THSD4: variants seen among roughly 807,000 people sequenced by gnomAD.
THSD4 encodes thrombospondin type 1 domain containing 4, also known as thrombospondin type-1 domain-containing protein 4.
Under a neutral mutation model 119.0 loss-of-function variants are expected in THSD4, and 69 were observed. The ratio of observed to expected loss-of-function variants is 0.58; its 90% CI spans 0.48 to 0.71. The LOEUF is 0.71. Ranked by LOEUF, THSD4 falls within the 30% of genes least tolerant of loss-of-function variation. The pLI is 0.00. For missense variants in THSD4, 1,393 were observed against 1,391.1 expected (o/e 1.00, Z -0.02); for synonymous variants, 524 against 540.4 (o/e 0.97, Z 0.42).
intron 7 of THSD4, among the ~76,000 whole-genome samples, chr15:71,569,245 A>G (rs919307895): frequency 5.3e-5 from 8 of 152,114 alleles, no homozygotes; most frequent in Admixed American, 3.3e-4. Flanking sequence ...TTTCTTTGCT[A>G]TTTGATTTCA....
intron 6 of THSD4, among the ~76,000 whole-genome samples, chr15:71,385,863 G>C (rs562270650): frequency 6.6e-6 from 1 of 152,266 alleles, no homozygotes; most frequent in South Asian, 2.1e-4. Flanking sequence ...TCAAGAGATG[G>C]GGGTCCGGAA....
Position 71,215,065 on chromosome 15 carries a change from C to A in THSD4, c.130C>A (p.Pro44Thr). The change falls in exon 4 of 18, where the codon CCC becomes ACC. Residue 44 changes from proline to threonine, a missense_variant. Transcript: ENST00000261862. ...VPQRMAAEGAPEDDGGGGAPG... is the reference protein window; with the variant it reads ...VPQRMAAEGATEDDGGGGAPG... The stretch of plus-strand genomic sequence containing the variant: ...GCAGCGGATGGCGGCGGAGGGCGCC[C>A]CCGAGGACGACGGCGGCGGCGGCGC... 1.5e-6 allele frequency: 2 copies of A among 1,296,938 alleles called. No individual in the cohort carries two copies. The highest frequency in any genetic ancestry group is 5.1e-5 in the South Asian group (2 of 39,260). 80.3% of individuals were successfully genotyped at this position (1,296,938 alleles called of 1,614,324 possible). A position where few individuals can be genotyped will look rare whatever the true frequency, so the allele number is the denominator to read the frequency against.
Position 71,764,227 on chromosome 15 carries a change from C to G in THSD4, c.2590-793C>G, listed in dbSNP as rs146070263. Among the ~76,000 whole-genome samples the G allele has an allele frequency of 6.6e-3, 1,004 of 152,306 alleles. 11 individuals are homozygous for G. The highest frequency in any genetic ancestry group is 0.023 in the African/African-American group (957 of 41,552). ...CACCACTACACTCCAGCCTGGGTGA[C>G]AGAGTGAGACCTTGTCTCAAAAACA... On this transcript the variant is annotated intron_variant, in intron 15 of 17. Coordinates refer to ENST00000261862, the MANE Select transcript of THSD4 (RefSeq NM_024817.3).
At chr15:71,625,846 A>G (rs910242321) in intron 7 of THSD4, among the ~76,000 whole-genome samples, 1 of 152,178 alleles carries the variant, frequency 6.6e-6, no homozygotes, top group African/African-American at 2.4e-5. Context: ...TAAGGTAGAG[A>G]GGGGCACAGC....
chr15:71,449,958 A>G (rs1459089516), intron 7 of THSD4, among the ~76,000 whole-genome samples: 1 of 152,206 alleles, frequency 6.6e-6, no homozygotes, highest in Non-Finnish European at 1.5e-5. Flanking sequence ...AAAAGAAACT[A>G]CTTCCCATAT....
In THSD4 at chr15:71,144,718, T is replaced by C. The variant is rs546329883; in HGVS notation, c.29+3162T>C. ...GCCTTGGGCATTAACATCGCAAGAG[T>C]ATCTCTGCCTTGCTCAGAGTGTGTA... On this transcript the variant is annotated intron_variant, in intron 2 of 17. Coordinates refer to ENST00000261862, the MANE Select transcript of THSD4 (RefSeq NM_024817.3). 3.3e-5 allele frequency among the ~76,000 whole-genome samples: 5 copies of C among 152,116 alleles called. No individual in the cohort carries two copies. In the South Asian group the frequency reaches 1.0e-3, roughly 32 times the overall value.
chr15:71,217,315 A>T (rs1424167245), intron 4 of THSD4, among the ~76,000 whole-genome samples: 1 of 152,150 alleles, frequency 6.6e-6, no homozygotes, highest in Admixed American at 6.5e-5. Context: ...GTAGCCTGAT[A>T]TCGGTTAAGA....
chr15:71,215,002 T>C, intron 3 of THSD4, 33 bp from the exon 4 acceptor site: 1 of 1,240,994 alleles, frequency 8.1e-7, no homozygotes, highest in Non-Finnish European at 1.0e-6. Context: ...AGGAGCGGTG[T>C]TCTGGTCCCC....
At chr15:71,564,688 TATATAGTATAACATATAATACA>T (rs2049193615) in intron 7 of THSD4, among the ~76,000 whole-genome samples, 1 of 18,000 alleles carries the variant, frequency 5.6e-5, no homozygotes, top group Non-Finnish European at 1.3e-4. Context: ...TATAATACAA[TATATAGTATAACATATAATACA>T]ATATATATTG....
At chr15:71,356,815 C>A (rs1000034440) in intron 6 of THSD4, among the ~76,000 whole-genome samples, 1 of 152,042 alleles carries the variant, frequency 6.6e-6, no homozygotes, top group East Asian at 1.9e-4. Context: ...TCTTCTCCCT[C>A]CCCCGACTTT....
chr15:71,284,976 T>C (rs1232707174), intron 6 of THSD4, among the ~76,000 whole-genome samples: 1 of 152,214 alleles, frequency 6.6e-6, no homozygotes, highest in Non-Finnish European at 1.5e-5. Flanking sequence ...CAAACTAATA[T>C]TCAACCACTG....
At chr15:71,745,898 G>A (rs1008788484) in intron 12 of THSD4, among the ~76,000 whole-genome samples, 1 of 152,198 alleles carries the variant, frequency 6.6e-6, no homozygotes, top group Non-Finnish European at 1.5e-5. Context: ...GCCCACCTCA[G>A]CCTCCCAAAG....
intron 4 of THSD4, among the ~76,000 whole-genome samples, chr15:71,224,680 G>A (rs922433365): frequency 1.3e-5 from 2 of 152,164 alleles, no homozygotes; most frequent in Non-Finnish European, 2.9e-5. Context: ...TGGGGGCTTT[G>A]AGGAGAAACC....
intron 6 of THSD4, among the ~76,000 whole-genome samples, chr15:71,301,706 G>T (rs773452735): frequency 6.6e-6 from 1 of 152,134 alleles, no homozygotes. Flanking sequence ...TTTTCTCTGG[G>T]CTACCTGGAG....
chr15:71,698,402 C>G (rs963646682), intron 8 of THSD4, among the ~76,000 whole-genome samples: 2 of 151,812 alleles, frequency 1.3e-5, no homozygotes, highest in African/African-American at 4.8e-5. Flanking sequence ...TGAGTGCAGC[C>G]ACTATGAAAA....
intron 10 of THSD4, among the ~76,000 whole-genome samples, chr15:71,735,433 C>CCT (rs201830733): frequency 6.6e-6 from 1 of 151,444 alleles, no homozygotes; most frequent in Non-Finnish European, 1.5e-5. Context: ...ATCTTGAAAA[C>CCT]CTCTCTCTCT....
intron 8 of THSD4, among the ~76,000 whole-genome samples, chr15:71,684,510 T>G (rs1399314935): frequency 7.4e-6 from 1 of 134,426 alleles, no homozygotes; most frequent in Non-Finnish European, 1.6e-5. Flanking sequence ...ATTTCTAATC[T>G]TGTAATCTTT....
intron 7 of THSD4, chr15:71,547,259 G>T: frequency 7.0e-7 from 1 of 1,418,732 alleles, no homozygotes. Context: ...AGCTCGAAGC[G>T]CCGGGCAGTA....
At chr15:71,289,450 C>A (rs113154664) in intron 6 of THSD4, among the ~76,000 whole-genome samples, 1 of 152,090 alleles carries the variant, frequency 6.6e-6, no homozygotes, top group African/African-American at 2.4e-5. Context: ...CCTTCCCTGC[C>A]GCACTCTCCA....
Sources: gnomAD v4.1 joint callset for allele counts (sites outside exome capture counted in the v4.1 genomes callset) on GRCh38, gnomAD v4.1.1 for gene constraint, MANE v1.5 for transcripts, NCBI Gene and HGNC (gene_info 2026-07-23, HGNC 2026-07-21) for gene names.